FUT8: variants seen among roughly 807,000 people sequenced by gnomAD.
FUT8 encodes alpha-(1,6)-fucosyltransferase.
A neutral mutation model predicts 71.3 loss-of-function variants in FUT8; 29 were observed. The observed-to-expected ratio is 0.41, with a 90% CI of 0.30 to 0.55. The LOEUF (loss-of-function observed/expected upper bound fraction) is 0.55. Among genes scored for constraint, FUT8 ranks in the 20% least tolerant of loss-of-function variants. The pLI, the probability that FUT8 is intolerant of heterozygous loss-of-function variation, is 0.34. For synonymous variants in FUT8, 254 were observed against 239.3 expected, an observed-to-expected ratio of 1.06 and a Z score of -0.57; for missense variants, 544 against 702.1, an observed-to-expected ratio of 0.77 and a Z score of 2.55.
At chr14:65,728,581 C>T (rs1895803292) in intron 9 of FUT8, among the ~76,000 whole-genome samples, 1 of 152,222 alleles carries the variant, frequency 6.6e-6, no homozygotes, top group Non-Finnish European at 1.5e-5. Flanking sequence ...TTTTCTAATA[C>T]AGTCATGTAC....
At chr14:65,602,163 G>A (rs375243187) in intron 3 of FUT8, among the ~76,000 whole-genome samples, 15 of 150,734 alleles carry the variant, frequency 1.0e-4, no homozygotes, top group Admixed American at 6.7e-5. Context: ...AAAGTCCGTC[G>A]TATCCTTCCT....
the FUT8 span, among the ~76,000 whole-genome samples, chr14:65,358,606 C>G: frequency 1.3e-5 from 2 of 151,920 alleles, no homozygotes; most frequent in African/African-American, 4.8e-5. Flanking sequence ...GGTGCATGCC[C>G]GGCTAATTTT....
chr14:65,497,241 G>A (rs1440656907), intron 2 of FUT8, among the ~76,000 whole-genome samples: 5 of 152,090 alleles, frequency 3.3e-5, no homozygotes, highest in South Asian at 4.2e-4. Context: ...ATGAAAGATG[G>A]GAATGGGCAT....
intron 7 of FUT8, among the ~76,000 whole-genome samples, chr14:65,686,717 T>A (rs1893303932): frequency 6.6e-6 from 1 of 152,128 alleles, no homozygotes; most frequent in African/African-American, 2.4e-5. Context: ...AACAAGAAAC[T>A]GTTTTTTTAA....
intron 2 of FUT8, among the ~76,000 whole-genome samples, chr14:65,490,095 A>C (rs1157937296): frequency 2.0e-5 from 3 of 152,118 alleles, no homozygotes; most frequent in Non-Finnish European, 4.4e-5. Flanking sequence ...GGGCAGTTCC[A>C]AGAAAAGCTT....
chr14:65,495,037 A>T (rs2066537627), intron 2 of FUT8, among the ~76,000 whole-genome samples: 2 of 152,002 alleles, frequency 1.3e-5, no homozygotes, highest in Non-Finnish European at 2.9e-5. Flanking sequence ...CACAGTTCTT[A>T]CTTAGTGTGA....
chr14:65,570,911 A>C (rs1886434959), intron 3 of FUT8, among the ~76,000 whole-genome samples: 1 of 152,130 alleles, frequency 6.6e-6, no homozygotes, highest in Non-Finnish European at 1.5e-5. Flanking sequence ...GCCATATTTC[A>C]ACCATTCACA....
intron 2 of FUT8, among the ~76,000 whole-genome samples, chr14:65,517,645 T>G (rs988793871): frequency 1.9e-4 from 29 of 152,168 alleles, no homozygotes; most frequent in Admixed American, 1.2e-3. Context: ...TCATGACATA[T>G]CTTTAAAGTC....
chr14:65,544,080 G>A (rs1176430186), intron 2 of FUT8, among the ~76,000 whole-genome samples: 1 of 152,062 alleles, frequency 6.6e-6, no homozygotes, highest in Non-Finnish European at 1.5e-5. Flanking sequence ...GTTGTCAGGG[G>A]CTGTTTTTTG....
chr14:65,456,913 G>C (rs1464006730), intron 2 of FUT8, among the ~76,000 whole-genome samples: 1 of 151,514 alleles, frequency 6.6e-6, no homozygotes, highest in African/African-American at 2.4e-5. Flanking sequence ...ATGCATGTTA[G>C]GTGTACATAC....
rs562478446 is a variant in FUT8 at position 65,718,755 on chromosome 14, G to GT, written c.836-3012dup. ...CTGGATATACTATTCTAGGGTAAAA[G>GT]TTTTTTTTCCCTCAGTAGTTTATGT... On this transcript the variant is annotated intron_variant, in intron 7 of 10. Coordinates refer to ENST00000673929, the MANE Select transcript of FUT8 (RefSeq NM_001371533.1). Among the ~76,000 whole-genome samples, 4 of 152,076 alleles carry GT rather than the reference G, an allele frequency of 2.6e-5. 1 individual carries two copies. In the South Asian group the frequency reaches 8.3e-4, roughly 32 times the overall value.
chr14:65,719,922 C>A (rs1414199368), intron 7 of FUT8, among the ~76,000 whole-genome samples: 2 of 152,220 alleles, frequency 1.3e-5, no homozygotes, highest in African/African-American at 4.8e-5. Context: ...ACCAGCATAG[C>A]ACTGGATCTC....
In FUT8 at chr14:65,489,506, T is replaced by C. The variant is rs1359560189; in HGVS notation, c.-228+33788T>C. On this transcript the variant is annotated intron_variant, in intron 2 of 10. Coordinates refer to ENST00000673929, the MANE Select transcript of FUT8 (RefSeq NM_001371533.1). This position sits in a 1 kb window ranked among gnomAD's most constrained non-coding sequence, Gnocchi z 4.0. ...TTAAAAAAATTTCAGCCATTGAGAA[T>C]GTTTTTATAAATGGACAGATCAGTT... is the stretch of plus-strand genomic sequence containing the variant. 3.3e-5 allele frequency among the ~76,000 whole-genome samples: 5 copies of C among 152,252 alleles called. No homozygotes were observed. In the East Asian group the frequency reaches 9.6e-4, roughly 29 times the overall value.
At chr14:65,501,552 C>G (rs1227009554) in intron 2 of FUT8, among the ~76,000 whole-genome samples, 1 of 152,176 alleles carries the variant, frequency 6.6e-6, no homozygotes, top group Non-Finnish European at 1.5e-5. Flanking sequence ...CTGGAAAAAG[C>G]ATGTACTGCA....
chr14:65,470,699 C>T (rs2066130365), intron 2 of FUT8, among the ~76,000 whole-genome samples: 1 of 152,106 alleles, frequency 6.6e-6, no homozygotes. Context: ...GGCAGCCCTG[C>T]ACAGAGCCTC....
At chr14:65,548,465 C>T (rs1334566750) in intron 2 of FUT8, among the ~76,000 whole-genome samples, 1 of 151,736 alleles carries the variant, frequency 6.6e-6, no homozygotes, top group East Asian at 1.9e-4. Context: ...GTTTGTTAAT[C>T]TGTTCACCTG....
At chr14:65,442,260 C>T (rs2065670915) in intron 1 of FUT8, among the ~76,000 whole-genome samples, 1 of 151,498 alleles carries the variant, frequency 6.6e-6, no homozygotes, top group Non-Finnish European at 1.5e-5. Flanking sequence ...ACTGCAGTCT[C>T]CACCTTCCGG....
chr14:65,414,995 G>GA (rs2065198031), intron 1 of FUT8, among the ~76,000 whole-genome samples: 1 of 151,910 alleles, frequency 6.6e-6, no homozygotes, highest in Middle Eastern at 3.2e-3. Flanking sequence ...GTATGGAATC[G>GA]AAAAAAACAA....
At chr14:65,453,506 A>C (rs2139549692) in intron 1 of FUT8, among the ~76,000 whole-genome samples, 1 of 152,302 alleles carries the variant, frequency 6.6e-6, no homozygotes, top group Middle Eastern at 3.4e-3. Context: ...TACAGATGTT[A>C]AATTGAGGAT....
Sources: gnomAD v4.1 joint callset for allele counts (sites outside exome capture counted in the v4.1 genomes callset) on GRCh38, gnomAD v4.1.1 for gene constraint, Gnocchi (gnomAD v3.1) non-coding constraint, MANE v1.5 for transcripts, NCBI Gene and HGNC (gene_info 2026-07-23, HGNC 2026-07-21) for gene names.